The following ENOX1 variants were observed in gnomAD, a reference collection of about 807,000 sequenced individuals.
ENOX1 encodes ecto-NOX disulfide-thiol exchanger 1.
ENOX1 carries 42 observed loss-of-function variants against 82.5 expected under a neutral mutation model. That is an observed-to-expected ratio of 0.51 (90% CI 0.40 to 0.66). The LOEUF (loss-of-function observed/expected upper bound fraction) is 0.66. Among genes scored for constraint, ENOX1 ranks in the 30% least tolerant of loss-of-function variants. The pLI, the probability that ENOX1 is intolerant of heterozygous loss-of-function variation, is 0.00. For missense variants in ENOX1, 608 were observed against 811.6 expected (o/e 0.75, Z 3.05); for synonymous variants, 271 against 282.2 (o/e 0.96, Z 0.40).
At chr13:43,379,473 G>A (rs1262401784) in intron 5 of ENOX1, among the ~76,000 whole-genome samples, 1 of 151,982 alleles carries the variant, frequency 6.6e-6, no homozygotes. Flanking sequence ...AGAGATGGAA[G>A]ATTAAAAACA....
At chr13:43,557,601 C>T (rs1223108065) in intron 2 of ENOX1, among the ~76,000 whole-genome samples, 1 of 152,154 alleles carries the variant, frequency 6.6e-6, no homozygotes, top group Non-Finnish European at 1.5e-5. Flanking sequence ...CCCACTTCCA[C>T]CTCACCAGCC....
chr13:43,283,554 TC>T (rs2045521496), intron 12 of ENOX1, among the ~76,000 whole-genome samples: 1 of 152,006 alleles, frequency 6.6e-6, no homozygotes, highest in Non-Finnish European at 1.5e-5. Flanking sequence ...AAGGGAATTA[TC>T]CCACCTCAGC....
chr13:43,736,299 T>C (rs759767412), intron 1 of ENOX1, among the ~76,000 whole-genome samples: 1 of 152,222 alleles, frequency 6.6e-6, no homozygotes, highest in Non-Finnish European at 1.5e-5. Context: ...GCTTATTTCC[T>C]CTGAAAAGGC....
intron 2 of ENOX1, among the ~76,000 whole-genome samples, chr13:43,522,099 C>G (rs1360801021): frequency 6.6e-6 from 1 of 151,924 alleles, no homozygotes; most frequent in African/African-American, 2.4e-5. Context: ...TTGGAGTGTG[C>G]CTCTCAGTCA....
At chr13:43,710,463 G>C (rs765238831) in intron 1 of ENOX1, among the ~76,000 whole-genome samples, 13 of 151,972 alleles carry the variant, frequency 8.6e-5, no homozygotes, top group Non-Finnish European at 1.6e-4. Flanking sequence ...TCCTTAATAA[G>C]GTAAAGGTTA....
intron 3 of ENOX1, among the ~76,000 whole-genome samples, chr13:43,441,611 G>T (rs2153622593): frequency 6.6e-6 from 1 of 152,216 alleles, no homozygotes; most frequent in Admixed American, 6.5e-5. Context: ...AGTAGAATAG[G>T]TCAGATACAG....
chr13:43,460,566 T>A (rs1159489839), intron 3 of ENOX1, among the ~76,000 whole-genome samples: 1 of 151,946 alleles, frequency 6.6e-6, no homozygotes, highest in Non-Finnish European at 1.5e-5. Context: ...TTTGGGAGGC[T>A]GAGGGATCAC....
At chr13:43,701,461 C>G (rs1163436064) in intron 1 of ENOX1, among the ~76,000 whole-genome samples, 1 of 152,122 alleles carries the variant, frequency 6.6e-6, no homozygotes, top group Non-Finnish European at 1.5e-5. Flanking sequence ...TAGGGTTTAT[C>G]TGCTCATAAC....
chr13:43,618,936 T>C (rs1237752702), intron 2 of ENOX1, among the ~76,000 whole-genome samples: 1 of 152,014 alleles, frequency 6.6e-6, no homozygotes, highest in African/African-American at 2.4e-5. Flanking sequence ...GTAGTTTTCC[T>C]TGTAGAAGTC....
intron 10 of ENOX1, 62 bp downstream of exon 10, chr13:43,326,357 T>C (rs915664592): frequency 3.5e-6 from 5 of 1,415,844 alleles, no homozygotes; most frequent in South Asian, 2.3e-5. Context: ...GCTGCAGCCA[T>C]GCTATTCTCT....
chr13:43,591,873 C>T (rs1260048198), intron 2 of ENOX1, among the ~76,000 whole-genome samples: 3 of 152,008 alleles, frequency 2.0e-5, no homozygotes, highest in African/African-American at 7.3e-5. Context: ...TAACTTTTCC[C>T]ATGGAAACTT....
chr13:43,579,551 G>T (rs1269486394), intron 2 of ENOX1, among the ~76,000 whole-genome samples: 1 of 152,108 alleles, frequency 6.6e-6, no homozygotes, highest in East Asian at 1.9e-4. Context: ...CTCCATACTT[G>T]CAGAACTTCC....
chr13:43,659,092 A>T lies in ENOX1; in HGVS notation c.-219+8387T>A, dbSNP rs1007666294. On this transcript the variant is annotated intron_variant, in intron 2 of 16. Coordinates refer to ENST00000690772, the MANE Select transcript of ENOX1 (RefSeq NM_001347969.2). ...CTCTTTTTACTACACTTTCTTGAAA[A>T]TTTCCTTAATTTCACCTCCTAACCC... is the stretch of plus-strand genomic sequence containing the variant. Among the ~76,000 whole-genome samples the T allele has an allele frequency of 9.2e-5, 14 of 152,084 alleles. No individual in the cohort carries two copies. In the East Asian group the frequency reaches 2.3e-3, roughly 25 times the overall value.
chr13:43,686,992 C>CA (rs1226816806), intron 1 of ENOX1, among the ~76,000 whole-genome samples: 2 of 115,532 alleles, frequency 1.7e-5, no homozygotes, highest in African/African-American at 5.2e-5. Flanking sequence ...CCGCTCCTCA[C>CA]AAAAAAGTAT....
chr13:43,223,941 A>T (rs9533433), intron 16 of ENOX1, 112 bp downstream of exon 16: 10 of 712,482 alleles, frequency 1.4e-5, no homozygotes, highest in Non-Finnish European at 2.4e-5. Flanking sequence ...AGGGCTGATC[A>T]ACCCCCATAG....
intron 2 of ENOX1, among the ~76,000 whole-genome samples, chr13:43,574,129 T>A (rs1448599612): frequency 6.6e-6 from 1 of 152,196 alleles, no homozygotes; most frequent in Non-Finnish European, 1.5e-5. Context: ...GCCATATTTC[T>A]CCTGTCATTT....
intron 2 of ENOX1, among the ~76,000 whole-genome samples, chr13:43,525,032 C>G (rs980898730): frequency 3.2e-4 from 49 of 152,040 alleles, no homozygotes; most frequent in African/African-American, 1.2e-3. Flanking sequence ...ATCTTTAAAT[C>G]CCTCATTTTA....
chr13:43,283,032 G>A (rs1167522197), intron 12 of ENOX1, among the ~76,000 whole-genome samples: 2 of 151,718 alleles, frequency 1.3e-5, no homozygotes, highest in Non-Finnish European at 2.9e-5. Flanking sequence ...GCAGTGAGCC[G>A]AGATCACGCC....
intron 2 of ENOX1, among the ~76,000 whole-genome samples, chr13:43,530,371 C>A (rs767877846): frequency 6.6e-6 from 1 of 152,130 alleles, no homozygotes; most frequent in Non-Finnish European, 1.5e-5. Context: ...TGATAGGAAC[C>A]CACCTGGGGG....
Sources: allele counts gnomAD v4.1 joint callset (sites outside exome capture counted in the v4.1 genomes callset), GRCh38; gene constraint gnomAD v4.1.1; transcripts MANE v1.5; gene names NCBI Gene and HGNC (gene_info 2026-07-23, HGNC 2026-07-21).